The following TNRC6C variants were observed in gnomAD, a reference collection of about 807,000 sequenced individuals.
TNRC6C encodes trinucleotide repeat containing adaptor 6C.
A neutral mutation model predicts 153.7 loss-of-function variants in TNRC6C; 20 were observed. That is an observed-to-expected ratio of 0.13 (90% confidence interval 0.09 to 0.19). The LOEUF is 0.19. Ranked by LOEUF, TNRC6C falls within the 10% of genes least tolerant of loss-of-function variation. The probability of loss-of-function intolerance (pLI) is 1.00; values close to 1 mark genes in which losing one functional copy is unlikely to be tolerated. For missense variants in TNRC6C, 1,987 were observed against 2,172.0 expected, an observed-to-expected ratio of 0.91 and a Z score of 1.69; for synonymous variants, 811 against 841.4, an observed-to-expected ratio of 0.96 and a Z score of 0.63.
chr17:78,037,014 C>T (rs1166311988), intron 2 of TNRC6C, among the ~76,000 whole-genome samples: 1 of 151,936 alleles, frequency 6.6e-6, no homozygotes, highest in Non-Finnish European at 1.5e-5. Flanking sequence ...GAATATGCTT[C>T]CTAACGAGAT....
chr17:78,042,360 TATTA>T (rs779367901), intron 2 of TNRC6C, among the ~76,000 whole-genome samples: 4 of 152,190 alleles, frequency 2.6e-5, no homozygotes, highest in Non-Finnish European at 5.9e-5. Flanking sequence ...CCTTACTGTT[TATTA>T]GTTACAAACC....
At chr17:78,064,988 A>G (rs2072845508) in intron 4 of TNRC6C, 51 bp downstream of exon 6, 2 of 1,526,076 alleles carry the variant, frequency 1.3e-6, no homozygotes, top group Middle Eastern at 2.1e-4. Context: ...AAATGACTCA[A>G]AGTATTGAAT....
At position 78,049,636 on chromosome 17, in the gene TNRC6C, T is replaced by C; in HGVS notation, c.574T>C (p.Ser192Pro). The C allele has an allele frequency of 6.2e-7, 1 of 1,613,878 alleles. No homozygotes were observed. The highest frequency in any genetic ancestry group is 8.5e-7 in the Non-Finnish European group (1 of 1,179,860). The change falls in exon 3 of 20, where the codon TCT becomes CCT. Residue 192 changes from serine (S) to proline (P), a missense_variant. By Grantham distance (74) the Ser-to-Pro change is moderately conservative (BLOSUM62 -1). Transcript: ENST00000301624. The surrounding 1 kb of genome is among the most constrained non-coding windows in gnomAD (Gnocchi z 4.1). ...ACCAAATAACACTAACCCCATGAAC[T>C]CTTCACCCAACCCTATCAATGCAAT...
At chr17:77,958,821 C>T (rs2070834602), upstream of TNRC6C, among the ~76,000 whole-genome samples, 1 of 146,938 alleles carries the variant, frequency 6.8e-6, no homozygotes, top group South Asian at 2.1e-4. Flanking sequence ...CCCGGGCCGC[C>T]CCCTGACAGG....
Position 78,075,338 on chromosome 17 carries a change from A to T in TNRC6C, c.3060+60A>T, listed in dbSNP as rs530361679. 3.9e-6 allele frequency: 6 copies of T among 1,534,176 alleles called. No homozygotes were observed. The highest frequency in any genetic ancestry group is 5.3e-6 in the Non-Finnish European group (6 of 1,134,210). On this transcript the variant is annotated intron_variant, in intron 8 of 19. Coordinates refer to ENST00000301624, the Ensembl canonical transcript of TNRC6C. The surrounding 1 kb of genome is among the most constrained non-coding windows in gnomAD (Gnocchi z 4.2). ...TTAACAAGAGGAGTTTTTCATTTCA[A>T]CTGTGTCCTTAATACAAGCCAGATT...
exon 13 of TNRC6C, chr17:78,086,865 A>G (rs1423494957): frequency 1.2e-6 from 2 of 1,612,142 alleles, no homozygotes; most frequent in African/African-American, 1.3e-5. Context: ...TGCGCGCACA[A>G]TCACTAATCT....
chr17:78,040,824 A>G (rs2072276731), intron 2 of TNRC6C, among the ~76,000 whole-genome samples: 1 of 152,154 alleles, frequency 6.6e-6, no homozygotes, highest in Non-Finnish European at 1.5e-5. Flanking sequence ...GTAAAATCCC[A>G]TCCGTCCATG....
At chr17:78,025,572 C>T (rs141774944) in intron 1 of TNRC6C, among the ~76,000 whole-genome samples, 111 of 152,112 alleles carry the variant, frequency 7.3e-4, no homozygotes, top group African/African-American at 2.5e-3. Context: ...TTTGTATGAA[C>T]GTAAAGTTTT....
intron 1 of TNRC6C, among the ~76,000 whole-genome samples, chr17:77,967,079 T>G (rs547910657): frequency 1.7e-4 from 26 of 152,192 alleles, no homozygotes; most frequent in Non-Finnish European, 2.9e-4. Context: ...GATAAAAATA[T>G]TTTTTATTTT....
intron 1 of TNRC6C, among the ~76,000 whole-genome samples, chr17:78,006,555 CTTCT>C (rs2071512797): frequency 1.7e-5 from 1 of 58,692 alleles, no homozygotes. Context: ...TCTTCTTCTT[CTTCT>C]TCCTTCTTCC....
At chr17:78,093,353 G>A in intron 15 of TNRC6C, 2 of 667,286 alleles carry the variant, frequency 3.0e-6, no homozygotes, top group Non-Finnish European at 5.0e-6. Context: ...AGTGGAAGGG[G>A]TGGCAGGGAG....
At chr17:77,991,967 C>T (rs1319775504) in intron 1 of TNRC6C, among the ~76,000 whole-genome samples, 5 of 152,210 alleles carry the variant, frequency 3.3e-5, no homozygotes, top group Non-Finnish European at 1.5e-5. Context: ...TGAGCTTCAT[C>T]CTCTGATCCT....
chr17:78,073,498 TGA>T (rs1168390300), intron 7 of TNRC6C, among the ~76,000 whole-genome samples: 2 of 152,228 alleles, frequency 1.3e-5, no homozygotes, highest in Admixed American at 6.5e-5. Flanking sequence ...CAACTGTTGT[TGA>T]GAGAGAAGAT....
intron 16 of TNRC6C, among the ~76,000 whole-genome samples, chr17:78,094,502 G>C (rs2073449390): frequency 6.7e-6 from 1 of 150,252 alleles, no homozygotes; most frequent in South Asian, 2.1e-4. Flanking sequence ...ATAGTGGCGT[G>C]ATCTTGGCTC....
chr17:78,108,799 T>C (rs1355556753), exon 20 of TNRC6C: 1 of 152,232 alleles, frequency 6.6e-6, no homozygotes, highest in African/African-American at 2.4e-5. Context: ...TTTTTAAGTT[T>C]ATTAAATTTT....
At chr17:78,005,463 T>C (rs137903929) in intron 1 of TNRC6C, among the ~76,000 whole-genome samples, 4 of 152,314 alleles carry the variant, frequency 2.6e-5, no homozygotes, top group Non-Finnish European at 5.9e-5. Context: ...AAAAAAGATA[T>C]ATTCTTTCTG....
chr17:78,091,150 C>T (rs1033151563), intron 13 of TNRC6C, among the ~76,000 whole-genome samples: 4 of 152,016 alleles, frequency 2.6e-5, no homozygotes, highest in African/African-American at 7.3e-5. Context: ...GTTGTTATGA[C>T]GATAAGTAGT....
chr17:78,010,431 CAG>C (rs765593640), intron 1 of TNRC6C, among the ~76,000 whole-genome samples: 24 of 152,086 alleles, frequency 1.6e-4, no homozygotes, highest in Non-Finnish European at 2.9e-4. Context: ...TAATATCAAT[CAG>C]AATGAAAAGT....
At chr17:78,066,624 A>G (rs995407495) in intron 4 of TNRC6C, 11 of 152,192 alleles carry the variant, frequency 7.2e-5, no homozygotes, top group African/African-American at 2.7e-4. Context: ...GCCCTTCTTC[A>G]TATTCTTCCA....
Sources: gnomAD v4.1 joint callset for allele counts (sites outside exome capture counted in the v4.1 genomes callset) on GRCh38, gnomAD v4.1.1 for gene constraint, Gnocchi (gnomAD v3.1) non-coding constraint, MANE v1.5 for transcripts, NCBI Gene and HGNC (gene_info 2026-07-23, HGNC 2026-07-21) for gene names.